The following LSM14A variants were observed in gnomAD, a reference collection of about 807,000 sequenced individuals.
LSM14A encodes protein LSM14 homolog A.
A neutral mutation model predicts 52.4 loss-of-function variants in LSM14A; 14 were observed. The observed-to-expected ratio is 0.27, with a 90% CI of 0.18 to 0.42. LSM14A has a LOEUF of 0.42. LSM14A is among the 10% of genes least tolerant of loss of function. LSM14A has a pLI of 1.00. For missense variants in LSM14A, 417 were observed against 581.8 expected (o/e 0.72, Z 2.91); for synonymous variants, 185 against 200.3 (o/e 0.92, Z 0.64).
At chr19:34,187,704 G>A (rs1317564702) in intron 1 of LSM14A, among the ~76,000 whole-genome samples, 1 of 152,078 alleles carries the variant, frequency 6.6e-6, no homozygotes, top group Admixed American at 6.6e-5. Flanking sequence ...TTATAATGGA[G>A]GTATTGTATT....
At chr19:34,225,370 G>T (rs374870446) in intron 9 of LSM14A, among the ~76,000 whole-genome samples, 2 of 152,172 alleles carry the variant, frequency 1.3e-5, no homozygotes, top group East Asian at 1.9e-4. Flanking sequence ...GTAGAAAATG[G>T]TGAGTGATCA....
chr19:34,217,617 G>T lies in LSM14A; in HGVS notation c.782-1774G>T, dbSNP rs945358152. 5.4e-3 allele frequency among the ~76,000 whole-genome samples: 197 copies of T among 36,634 alleles called. 3 individuals are homozygous for T. The highest frequency in any genetic ancestry group is 0.013 in the East Asian group (5 of 396). The allele number at this position is 36,634 out of a possible 152,430, so 24.0% of individuals were successfully genotyped here. A position where few individuals can be genotyped will look rare whatever the true frequency, so the allele number is the denominator to read the frequency against. On this transcript the variant is annotated intron_variant, in intron 6 of 9. Transcript: ENST00000544216. ...ATATATTTTTATATCCCCCCCCCCC[G>T]TGTTTTTTTTTTTTTTTTTTTTTTT...
chr19:34,213,685 C>T (rs1019527632), intron 4 of LSM14A, among the ~76,000 whole-genome samples: 1 of 152,086 alleles, frequency 6.6e-6, no homozygotes, highest in African/African-American at 2.4e-5. Flanking sequence ...ATGGGAGCAC[C>T]CGATGTTACA....
rs540384095 is a variant in LSM14A, at chr19:34,211,038, C to T, written c.538+1987C>T. ...ATAGTTCTGGCCGGGCACGATGGCT[C>T]ATGCCTGTAATCCCAGCACTTTGGG... On this transcript the variant is annotated intron_variant, in intron 4 of 9. Transcript: ENST00000544216. Among the ~76,000 whole-genome samples, 426 of 152,026 alleles carry T rather than the reference C, an allele frequency of 2.8e-3. 2 individuals are homozygous for T. Among genetic ancestry groups the T allele is most frequent in the Non-Finnish European group, 4.2e-3 (288 of 67,972 alleles).
At chr19:34,190,088 A>G (rs529688674) in intron 1 of LSM14A, among the ~76,000 whole-genome samples, 1 of 152,296 alleles carries the variant, frequency 6.6e-6, no homozygotes, top group East Asian at 1.9e-4. Flanking sequence ...TAGTTCCAGT[A>G]GTTCTTTACC....
rs573796374 is a variant in LSM14A, at chr19:34,187,519, A to G, written c.122-6959A>G. On this transcript the variant is annotated intron_variant, in intron 1 of 9. Coordinates refer to ENST00000544216, the MANE Select transcript of LSM14A (RefSeq NM_015578.4). ...TGGCTAGGCTGGGCTCAAACTCCCAACCTCAGGTGATCTGCCCACCTTGCC... is the reference window on the plus strand; with the variant it reads ...TGGCTAGGCTGGGCTCAAACTCCCAGCCTCAGGTGATCTGCCCACCTTGCC... Among the ~76,000 whole-genome samples the G allele has an allele frequency of 5.9e-5, 9 of 152,198 alleles. No homozygotes were observed. The South Asian group carries it at 1.0e-3, about 18-fold the overall frequency.
rs536367 is a variant in LSM14A at position 34,221,749 on chromosome 19, C to T, written c.1368+11C>T. 0.35 allele frequency: 556,045 copies of T among 1,596,998 alleles called. 101,466 individuals are homozygous for T. Among genetic ancestry groups the T allele is most frequent in the African/African-American group, 0.4 (29,643 of 74,486 alleles). On this transcript the variant is annotated intron_variant, in intron 9 of 9. Coordinates refer to ENST00000544216, the MANE Select transcript of LSM14A (RefSeq NM_015578.4). ...GATTTTGAATATAGGGTAAGTGTTA[C>T]TGTTAATAAATTCTTTGGGGTTGAC...
intron 1 of LSM14A, among the ~76,000 whole-genome samples, chr19:34,185,989 T>C (rs981273405): frequency 2.6e-5 from 4 of 152,240 alleles, no homozygotes; most frequent in Non-Finnish European, 5.9e-5. Flanking sequence ...GAGTTTCTTT[T>C]ATAATTTAAT....
At chr19:34,203,348 A>G (rs949408297) in intron 3 of LSM14A, among the ~76,000 whole-genome samples, 1 of 147,650 alleles carries the variant, frequency 6.8e-6, no homozygotes, top group African/African-American at 2.4e-5. Flanking sequence ...TTAAATAGCC[A>G]AACCATATTG....
At chr19:34,191,806 G>T (rs2070402912) in intron 1 of LSM14A, among the ~76,000 whole-genome samples, 1 of 152,140 alleles carries the variant, frequency 6.6e-6, no homozygotes, top group South Asian at 2.1e-4. Flanking sequence ...TATTTGTTTT[G>T]ATGGTACTGA....
intron 9 of LSM14A, among the ~76,000 whole-genome samples, chr19:34,224,909 C>T (rs1283812044): frequency 1.3e-5 from 2 of 152,216 alleles, no homozygotes; most frequent in African/African-American, 4.8e-5. Flanking sequence ...TCAGGTCCCC[C>T]CTTTCACTTA....
intron 1 of LSM14A, among the ~76,000 whole-genome samples, chr19:34,184,055 CTT>C (rs34912989): frequency 8.5e-5 from 11 of 129,848 alleles, no homozygotes; most frequent in East Asian, 2.2e-4. Flanking sequence ...CTTTCCTTTG[CTT>C]TTTTTTTTTT....
intron 1 of LSM14A, among the ~76,000 whole-genome samples, chr19:34,175,375 C>A (rs186552035): frequency 6.6e-6 from 1 of 152,078 alleles, no homozygotes; most frequent in Admixed American, 6.6e-5. Flanking sequence ...GGATTACTGG[C>A]GCGTGCCACC....
intron 6 of LSM14A, among the ~76,000 whole-genome samples, chr19:34,217,617 G>GTTTTT (rs1568498334): frequency 2.7e-5 from 1 of 36,696 alleles, no homozygotes; most frequent in Non-Finnish European, 4.6e-5. Flanking sequence ...CCCCCCCCCC[G>GTTTTT]TGTTTTTTTT....
chr19:34,214,893 T>C (rs2072461754), intron 4 of LSM14A, among the ~76,000 whole-genome samples: 1 of 151,732 alleles, frequency 6.6e-6, no homozygotes, highest in Non-Finnish European at 1.5e-5. Flanking sequence ...GAGGGAGTTG[T>C]TTTGAAGCTG....
chr19:34,221,192 C>T (rs945523750), intron 8 of LSM14A, among the ~76,000 whole-genome samples: 20 of 151,338 alleles, frequency 1.3e-4, no homozygotes, highest in African/African-American at 4.9e-4. Context: ...AGGTGATTCT[C>T]CTGCCTCAAC....
intron 1 of LSM14A, among the ~76,000 whole-genome samples, chr19:34,176,646 A>G (rs901224851): frequency 6.6e-6 from 1 of 152,252 alleles, no homozygotes; most frequent in Non-Finnish European, 1.5e-5. Context: ...CATCATGAAT[A>G]TAACACAAGT....
chr19:34,220,443 C>T (rs184829433), intron 8 of LSM14A, among the ~76,000 whole-genome samples: 132 of 152,214 alleles, frequency 8.7e-4, no homozygotes, highest in Non-Finnish European at 1.5e-3. Flanking sequence ...CTGTATGTTA[C>T]AGTTCAAATG....
At position 34,172,676 on chromosome 19, in the gene LSM14A, A is replaced by C; in HGVS notation, c.34A>C (p.Ile12Leu). 1 of 1,580,358 alleles carries C rather than the reference A, an allele frequency of 6.3e-7. No homozygotes were observed. Among genetic ancestry groups the C allele is most frequent in the Non-Finnish European group, 8.6e-7 (1 of 1,165,004 alleles). Residue 12 changes from isoleucine to leucine, a missense_variant, in exon 1 of 10, where the codon ATC (isoleucine) becomes CTC (leucine). Physicochemically the swap from Ile to Leu is conservative, Grantham distance 5. Around this residue, in one of 2 missense-constraint regions of LSM14A, gnomAD observed 60 missense variants for 124.8 expected, o/e 0.48. Transcript: ENST00000544216. ...GGGCACCCCTTACATCGGCAGCAAG[A>C]TCAGCCTCATCTCCAAGGCGGAGAT... ...SGGTPYIGSK[I>L]SLISKAEIRY...
Sources: gnomAD v4.1 joint callset for allele counts (sites outside exome capture counted in the v4.1 genomes callset) on GRCh38, gnomAD v4.1.1 for gene constraint, gnomAD v4.1.1 regional missense constraint, MANE v1.5 for transcripts, NCBI Gene and HGNC (gene_info 2026-07-23, HGNC 2026-07-21) for gene names.